Variants in MBNL2 observed in about 807,000 individuals in gnomAD.
The protein encoded by MBNL2 is muscleblind like splicing regulator 2, also known as muscleblind-like protein 2.
In MBNL2, 17 loss-of-function variants were observed where a neutral mutation model predicts 41.9. That is an observed-to-expected ratio of 0.41 (90% CI 0.28 to 0.61). The LOEUF (loss-of-function observed/expected upper bound fraction) is 0.61, where lower values mean the gene tolerates loss of function less well. MBNL2 is among the 20% of genes least tolerant of loss of function. MBNL2 has a pLI of 0.35. For missense variants in MBNL2, 336 were observed against 505.6 expected (o/e 0.66, Z 3.22); for synonymous variants, 195 against 182.9 (o/e 1.07, Z -0.53).
intron 8 of MBNL2, among the ~76,000 whole-genome samples, chr13:97,382,484 A>AC (rs2065545478): frequency 1.3e-5 from 2 of 152,170 alleles, no homozygotes; most frequent in African/African-American, 4.8e-5. Context: ...ATCCCTGGTG[A>AC]ATTCCATGAC....
At chr13:97,159,276 G>A in the MBNL2 span, among the ~76,000 whole-genome samples, 1 of 151,032 alleles carries the variant, frequency 6.6e-6, no homozygotes, top group Admixed American at 6.6e-5. Context: ...CTTTTATTTT[G>A]AGCCTATGTG....
At chr13:97,285,851 G>A (rs537376471) in intron 2 of MBNL2, among the ~76,000 whole-genome samples, 2 of 152,232 alleles carry the variant, frequency 1.3e-5, no homozygotes, top group South Asian at 4.1e-4. Context: ...CACCTCATTG[G>A]CCACTCTTCT....
At chr13:97,330,205 G>A (rs1237983015) in intron 2 of MBNL2, among the ~76,000 whole-genome samples, 2 of 152,174 alleles carry the variant, frequency 1.3e-5, no homozygotes, top group Non-Finnish European at 2.9e-5. Context: ...ATGACCACCT[G>A]CTGGTTCCAT....
the MBNL2 span, among the ~76,000 whole-genome samples, chr13:97,204,230 C>T: frequency 3.3e-5 from 5 of 152,156 alleles, no homozygotes; most frequent in East Asian, 1.9e-4. Flanking sequence ...GTCTTCTCAA[C>T]GCAGTGAGCC....
intron 2 of MBNL2, among the ~76,000 whole-genome samples, chr13:97,316,405 G>A (rs933034285): frequency 1.3e-5 from 2 of 152,190 alleles, no homozygotes; most frequent in Admixed American, 6.5e-5. Flanking sequence ...ACACCAGTGA[G>A]ATCACATCAC....
intron 1 of MBNL2, among the ~76,000 whole-genome samples, chr13:97,227,388 G>C (rs935683883): frequency 6.6e-6 from 1 of 152,126 alleles, no homozygotes; most frequent in Non-Finnish European, 1.5e-5. Flanking sequence ...AAAATGCTGC[G>C]GCCGTTTGCA....
At chr13:97,282,933 A>G (rs577814671) in intron 2 of MBNL2, among the ~76,000 whole-genome samples, 1 of 152,366 alleles carries the variant, frequency 6.6e-6, no homozygotes, top group East Asian at 1.9e-4. Context: ...GCAGACATGA[A>G]CAAAGAAACC....
chr13:97,196,046 G>A, the MBNL2 span, among the ~76,000 whole-genome samples: 6,045 of 152,192 alleles, frequency 0.04, 388 homozygotes, highest in African/African-American at 0.14. Context: ...TCTTACCCTT[G>A]CCGTGTCTCA....
In MBNL2 at chr13:97,237,992, G is replaced by A. The variant is rs550015328; in HGVS notation, c.-605+15461G>A. On this transcript the variant is annotated intron_variant, in intron 1 of 8. Transcript: ENST00000679496. Reference sequence around the variant, plus strand: ...ATTGACTGGGGCCAAGGGAAAGGGAGGGAGTCAAAGCCGACCTGGACACGA... The same window carrying A: ...ATTGACTGGGGCCAAGGGAAAGGGAAGGAGTCAAAGCCGACCTGGACACGA... Among the ~76,000 whole-genome samples the A allele has an allele frequency of 2.0e-5, 3 of 152,222 alleles. No individual in the cohort carries two copies. The South Asian group carries it at 6.2e-4, about 32-fold the overall frequency.
chr13:97,376,156 G>A (rs2064946790), intron 8 of MBNL2, among the ~76,000 whole-genome samples: 2 of 152,296 alleles, frequency 1.3e-5, no homozygotes, highest in South Asian at 4.1e-4. Context: ...CTGGGATAGA[G>A]AGAAAAGAGA....
chr13:97,348,860 C>T (rs2153091413), intron 5 of MBNL2, among the ~76,000 whole-genome samples: 1 of 152,314 alleles, frequency 6.6e-6, no homozygotes, highest in South Asian at 2.1e-4. Context: ...CACAATTACT[C>T]AACATTGTTT....
chr13:97,196,027 C>T, the MBNL2 span, among the ~76,000 whole-genome samples: 1 of 152,178 alleles, frequency 6.6e-6, no homozygotes, highest in Non-Finnish European at 1.5e-5. Flanking sequence ...CAAATAATTT[C>T]AACCTTAATC....
rs188817032 is a variant in MBNL2, at chr13:97,276,209, A to C, written c.-27A>C. ...GGATTGATTTCATCATTTAACAGAA[A>C]CAAACAGCCCAAATTACTTTATCAC... On this transcript the variant is annotated 5_prime_UTR_variant, in exon 2 of 9. Coordinates refer to ENST00000679496, the MANE Select transcript of MBNL2 (RefSeq NM_001382683.1). 5 of 1,592,564 alleles carry C rather than the reference A, an allele frequency of 3.1e-6. No homozygotes were observed. The highest frequency in any genetic ancestry group is 4.3e-6 in the Non-Finnish European group (5 of 1,163,698).
the MBNL2 span, among the ~76,000 whole-genome samples, chr13:97,213,810 A>C: frequency 6.6e-6 from 1 of 152,232 alleles, no homozygotes; most frequent in African/African-American, 2.4e-5. Flanking sequence ...AGCACTGACA[A>C]GTCTTTCCTT....
chr13:97,368,226 A>G (rs2064023439), intron 8 of MBNL2, among the ~76,000 whole-genome samples: 1 of 152,130 alleles, frequency 6.6e-6, no homozygotes, highest in South Asian at 2.1e-4. Context: ...CCTGAGCAAC[A>G]TGGTAAAATC....
intron 2 of MBNL2, among the ~76,000 whole-genome samples, chr13:97,316,709 T>C (rs954807897): frequency 6.6e-6 from 1 of 152,194 alleles, no homozygotes; most frequent in African/African-American, 2.4e-5. Flanking sequence ...ACTTTCTTAG[T>C]GGTAATGGCC....
chr13:97,246,307 A>ACC (rs2045464579), intron 1 of MBNL2, among the ~76,000 whole-genome samples: 1 of 148,170 alleles, frequency 6.7e-6, no homozygotes, highest in African/African-American at 2.6e-5. Context: ...ACACACACAC[A>ACC]CACCTATTTA....
the MBNL2 span, among the ~76,000 whole-genome samples, chr13:97,210,213 T>A: frequency 6.6e-6 from 1 of 152,246 alleles, no homozygotes. Context: ...TGATGTTACA[T>A]AACTCAGAGT....
At chr13:97,356,912 ATTAC>A in intron 6 of MBNL2, 63 bp downstream of exon 6, 1 of 1,069,016 alleles carries the variant, frequency 9.4e-7, no homozygotes, top group Non-Finnish European at 1.3e-6. Context: ...TGAGATTTGT[ATTAC>A]TTGTAAAATA....
Sources: allele counts gnomAD v4.1 joint callset (sites outside exome capture counted in the v4.1 genomes callset), GRCh38; gene constraint gnomAD v4.1.1; transcripts MANE v1.5; gene names NCBI Gene and HGNC (gene_info 2026-07-23, HGNC 2026-07-21).